The following RAB38 variants were observed in gnomAD, a reference collection of about 807,000 sequenced individuals.
The protein encoded by RAB38 is RAB38, member RAS oncogene family.
Under a neutral mutation model 18.4 loss-of-function variants are expected in RAB38, and 15 were observed. The observed-to-expected ratio is 0.82, with a 90% CI of 0.55 to 1.26. RAB38 has a LOEUF of 1.26. Ranked by LOEUF, RAB38 falls within the 50% of genes most tolerant of loss-of-function variation. The probability of loss-of-function intolerance (pLI) is 0.00; values close to 1 mark genes in which losing one functional copy is unlikely to be tolerated. For missense variants in RAB38, 294 were observed against 267.4 expected, an observed-to-expected ratio of 1.10 and a Z score of -0.69; for synonymous variants, 101 against 104.4, an observed-to-expected ratio of 0.97 and a Z score of 0.20.
At chr11:87,906,338 C>T in the RAB38 span, among the ~76,000 whole-genome samples, 1 of 151,904 alleles carries the variant, frequency 6.6e-6, no homozygotes. Flanking sequence ...ATTAGTGAAA[C>T]TTTTGGATGG....
chr11:88,157,160 C>T (rs1273536461), intron 1 of RAB38, among the ~76,000 whole-genome samples: 1 of 152,014 alleles, frequency 6.6e-6, no homozygotes, highest in Non-Finnish European at 1.5e-5. Context: ...ATCCAGCACA[C>T]AAACAGAAAA....
At chr11:88,018,713 T>C in the RAB38 span, among the ~76,000 whole-genome samples, 1 of 152,216 alleles carries the variant, frequency 6.6e-6, no homozygotes, top group Non-Finnish European at 1.5e-5. Context: ...TATTTGCATA[T>C]AACCTCCATA....
chr11:88,039,112 ATTTG>A, the RAB38 span, among the ~76,000 whole-genome samples: 1 of 152,146 alleles, frequency 6.6e-6, no homozygotes, highest in African/African-American at 2.4e-5. Context: ...AGGAGTAGAA[ATTTG>A]TTTGTCGTGT....
At chr11:87,953,870 CATTT>C in the RAB38 span, among the ~76,000 whole-genome samples, 1 of 149,112 alleles carries the variant, frequency 6.7e-6, no homozygotes, top group Non-Finnish European at 1.5e-5. Flanking sequence ...TTTTTTTTTC[CATTT>C]ACTATTTGTC....
chr11:87,968,308 T>G, the RAB38 span, among the ~76,000 whole-genome samples: 18 of 152,254 alleles, frequency 1.2e-4, no homozygotes, highest in African/African-American at 4.1e-4. Context: ...CCATATCCAT[T>G]TTTCTTTATT....
the RAB38 span, among the ~76,000 whole-genome samples, chr11:88,028,770 G>A: frequency 5.9e-5 from 9 of 152,224 alleles, no homozygotes; most frequent in African/African-American, 1.4e-4. Context: ...ACATGAAAGT[G>A]ACAGGGAGAA....
chr11:88,091,738 G>C, the RAB38 span, among the ~76,000 whole-genome samples: 1 of 151,958 alleles, frequency 6.6e-6, no homozygotes, highest in Non-Finnish European at 1.5e-5. Context: ...TAGCCTGGGA[G>C]GGTTCTTGGC....
the RAB38 span, among the ~76,000 whole-genome samples, chr11:88,037,996 A>G: frequency 3.3e-5 from 5 of 152,206 alleles, no homozygotes; most frequent in East Asian, 1.9e-4. Flanking sequence ...GTTATGTAAT[A>G]TAGTATTGTG....
chr11:87,832,631 C>T, the RAB38 span, among the ~76,000 whole-genome samples: 2 of 152,126 alleles, frequency 1.3e-5, no homozygotes, highest in Non-Finnish European at 2.9e-5. Context: ...ATCTCAGAGG[C>T]AGCACGGCGT....
chr11:87,925,646 G>A, the RAB38 span, among the ~76,000 whole-genome samples: 1 of 152,016 alleles, frequency 6.6e-6, no homozygotes, highest in African/African-American at 2.4e-5. Flanking sequence ...CAAAGGTTGA[G>A]CTGATCATTT....
the RAB38 span, among the ~76,000 whole-genome samples, chr11:87,970,224 T>A: frequency 1.3e-5 from 2 of 152,052 alleles, no homozygotes; most frequent in Non-Finnish European, 2.9e-5. Flanking sequence ...TTTAATGTGG[T>A]ATTTTAAAAA....
the RAB38 span, among the ~76,000 whole-genome samples, chr11:87,975,239 G>T: frequency 3.3e-5 from 5 of 151,932 alleles, no homozygotes; most frequent in South Asian, 8.3e-4. Context: ...GTGCATCTGC[G>T]AAGAAACTAC....
chr11:87,959,216 T>A, the RAB38 span, among the ~76,000 whole-genome samples: 16 of 152,162 alleles, frequency 1.1e-4, no homozygotes, highest in Non-Finnish European at 1.9e-4. Context: ...GCATTTAGGA[T>A]ATCTCCTGCC....
At chr11:87,934,322 C>T in the RAB38 span, among the ~76,000 whole-genome samples, 7 of 152,126 alleles carry the variant, frequency 4.6e-5, no homozygotes, top group Non-Finnish European at 1.0e-4. Context: ...TTCTTTCTAA[C>T]TTTCGATCCC....
the RAB38 span, among the ~76,000 whole-genome samples, chr11:87,892,191 A>T: frequency 1.3e-5 from 2 of 151,786 alleles, no homozygotes; most frequent in African/African-American, 4.8e-5. Context: ...AAAAGACTCA[A>T]GTTCTGGTCC....
the RAB38 span, among the ~76,000 whole-genome samples, chr11:87,866,201 T>C: frequency 6.6e-6 from 1 of 151,542 alleles, no homozygotes; most frequent in Non-Finnish European, 1.5e-5. Flanking sequence ...GGAAGACAGA[T>C]AGAGAATAAA....
the RAB38 span, among the ~76,000 whole-genome samples, chr11:87,834,942 C>G: frequency 6.6e-6 from 1 of 152,170 alleles, no homozygotes; most frequent in Admixed American, 6.5e-5. Context: ...GTTCCAGAAA[C>G]TTGTCAATGT....
intron 2 of RAB38, among the ~76,000 whole-genome samples, chr11:88,125,731 T>C (rs1010943550): frequency 1.3e-5 from 2 of 152,246 alleles, no homozygotes; most frequent in African/African-American, 4.8e-5. Context: ...TAGATCCTAT[T>C]TGTCAATTTT....
At chr11:88,139,944 A>G (rs907406088) in intron 2 of RAB38, among the ~76,000 whole-genome samples, 2 of 152,246 alleles carry the variant, frequency 1.3e-5, no homozygotes, top group Non-Finnish European at 2.9e-5. Flanking sequence ...CAGGTGGCTC[A>G]AATGACAGTA....
Sources: allele counts gnomAD v4.1 joint callset (sites outside exome capture counted in the v4.1 genomes callset), GRCh38; gene constraint gnomAD v4.1.1; transcripts MANE v1.5; gene names NCBI Gene and HGNC (gene_info 2026-07-23, HGNC 2026-07-21).